AK7: variants seen among roughly 807,000 people sequenced by gnomAD.
AK7 encodes the protein adenylate kinase 7, also known as ATP-AMP transphosphorylase 7.
AK7 carries 78 observed loss-of-function variants against 96.6 expected under a neutral mutation model. The ratio of observed to expected loss-of-function variants is 0.81; its 90% confidence interval spans 0.67 to 0.97. The LOEUF (loss-of-function observed/expected upper bound fraction) is 0.97, where lower values mean the gene tolerates loss of function less well. Ranked by LOEUF, AK7 falls within the 50% of genes least tolerant of loss-of-function variation. The pLI is 0.00. For synonymous variants in AK7, 302 were observed against 317.2 expected, an observed-to-expected ratio of 0.95 and a Z score of 0.51; for missense variants, 855 against 887.9, an observed-to-expected ratio of 0.96 and a Z score of 0.47.
intron 10 of AK7, among the ~76,000 whole-genome samples, chr14:96,453,652 A>G (rs1893732047): frequency 1.3e-5 from 2 of 152,226 alleles, no homozygotes. Flanking sequence ...AAGCAGCCTT[A>G]TAAGACTTGG....
chr14:96,468,073 C>CAAAA (rs35563628), intron 12 of AK7, among the ~76,000 whole-genome samples: 186 of 77,976 alleles, frequency 2.4e-3, no homozygotes, highest in Middle Eastern at 6.6e-3. Flanking sequence ...CCCGTCTCTA[C>CAAAA]AAAAAAAAAA....
chr14:96,430,656 T>C (rs1298997299), intron 5 of AK7, among the ~76,000 whole-genome samples: 4 of 152,222 alleles, frequency 2.6e-5, no homozygotes, highest in Non-Finnish European at 4.4e-5. Flanking sequence ...ATAAGCTTTT[T>C]GATGTGCTGC....
At chr14:96,396,917 T>C (rs938199610) in intron 1 of AK7, among the ~76,000 whole-genome samples, 2 of 152,152 alleles carry the variant, frequency 1.3e-5, no homozygotes, top group African/African-American at 4.8e-5. Flanking sequence ...CAATACCCCA[T>C]TTCTACAAAA....
rs2140186836 is a variant in AK7 at position 96,486,901 on chromosome 14, A to G, written c.1978A>G (p.Lys660Glu). Residue 660 changes from lysine (K) to glutamate (E), a missense_variant, in exon 17 of 18, where the codon AAA (lysine) becomes GAA (glutamate). Physicochemically the swap from Lys to Glu is moderately conservative, Grantham distance 56 (BLOSUM62 1). Transcript: ENST00000267584. Reference protein sequence around the residue: ...EKIARWEEWNKRLEEVKREER... With the variant: ...EKIARWEEWNERLEEVKREER... The stretch of plus-strand genomic sequence containing the variant: ...ACCACCAAATATTCTATTTTAGAAT[A>G]AACGACTGGAGGAAGTGAAAAGAGA... The G allele has an allele frequency of 6.2e-7, 1 of 1,613,522 alleles. No homozygotes were observed. The highest frequency in any genetic ancestry group is 8.5e-7 in the Non-Finnish European group (1 of 1,179,726).
chr14:96,456,268 C>A, intron 10 of AK7, 79 bp from the exon 11 acceptor site: 2 of 1,228,446 alleles, frequency 1.6e-6, no homozygotes, highest in Non-Finnish European at 2.2e-6. Flanking sequence ...AAAAGCACTC[C>A]CCTGAAATAA....
intron 12 of AK7, among the ~76,000 whole-genome samples, chr14:96,468,922 C>T (rs1894734022): frequency 6.6e-6 from 1 of 151,918 alleles, no homozygotes; most frequent in Non-Finnish European, 1.5e-5. Flanking sequence ...AGCGCAGTTG[C>T]CTGCCATACA....
intron 2 of AK7, chr14:96,398,563 CTG>C: frequency 2.7e-6 from 1 of 369,932 alleles, no homozygotes; most frequent in Non-Finnish European, 5.0e-6. Context: ...CAAGACGAGT[CTG>C]TGCCATGATG....
intron 6 of AK7, among the ~76,000 whole-genome samples, chr14:96,441,620 G>A (rs1892961350): frequency 1.6e-5 from 2 of 128,620 alleles, no homozygotes; most frequent in Admixed American, 1.8e-4. Context: ...TCCAGCCTGG[G>A]TGACACAGCA....
In AK7 at chr14:96,404,233, T is replaced by C. The variant is rs1890581433; in HGVS notation, c.295-524T>C. ...TCTATTTAATGTATAAACTTTACAT[T>C]TTTAATCATTAAAAGTTTCTGTATT... On this transcript the variant is annotated intron_variant, in intron 2 of 17. Coordinates refer to ENST00000267584, the MANE Select transcript of AK7 (RefSeq NM_152327.5). Among the ~76,000 whole-genome samples the C allele has an allele frequency of 2.0e-5, 3 of 152,084 alleles. No homozygotes were observed. The South Asian group carries it at 6.2e-4, about 32-fold the overall frequency.
chr14:96,442,839 G>A (rs368705547), intron 7 of AK7, 21 bp downstream of exon 7: 137 of 1,601,114 alleles, frequency 8.6e-5, no homozygotes, highest in Non-Finnish European at 1.1e-4. Flanking sequence ...GCCCAGAGAC[G>A]TGACCTTCAC....
intron 5 of AK7, among the ~76,000 whole-genome samples, chr14:96,433,881 C>T (rs72706825): frequency 3.2e-3 from 493 of 152,176 alleles, no homozygotes; most frequent in Middle Eastern, 6.8e-3. Flanking sequence ...TTTTCAGCTC[C>T]GGAGTTTCTG....
rs759072222 is a variant in AK7 at position 96,404,858 on chromosome 14, A to C, written c.396A>C (p.Ala132=). ...AGCAAATGGAGGAAGCCATCTGGGC[A>C]GTCTCTGGTCAGTGAGGTGTACTCT... ...SSQQMEEAIW[A]VSALSEEVSH... Residue 132 remains alanine, a synonymous_variant, in exon 3 of 18, where the codon GCA becomes GCC. Coordinates refer to ENST00000267584, the MANE Select transcript of AK7 (RefSeq NM_152327.5). The C allele has an allele frequency of 6.2e-7, 1 of 1,607,688 alleles. No homozygotes were observed. Among genetic ancestry groups the C allele is most frequent in the Admixed American group, 1.7e-5 (1 of 59,954 alleles).
intron 10 of AK7, among the ~76,000 whole-genome samples, chr14:96,452,568 C>T (rs1329867592): frequency 6.6e-6 from 1 of 152,178 alleles, no homozygotes; most frequent in Non-Finnish European, 1.5e-5. Flanking sequence ...TCAAGCGATC[C>T]GCCTGCGTTG....
rs531711604 is a variant in AK7 at position 96,448,164 on chromosome 14, A to G, written c.870+1557A>G. 7.5e-4 allele frequency among the ~76,000 whole-genome samples: 114 copies of G among 151,466 alleles called. No homozygotes were observed. In the Middle Eastern group the frequency reaches 0.014, roughly 18 times the overall value. ...AAAAGAAAAGAAATTCAGTTTATCT[A>G]TCTTCCTGTGCACTCTCCCTGCCTC... is the stretch of plus-strand genomic sequence containing the variant. On this transcript the variant is annotated intron_variant, in intron 8 of 17. Transcript: ENST00000267584.
chr14:96,431,531 C>T (rs1411850400), intron 5 of AK7, among the ~76,000 whole-genome samples: 2 of 152,212 alleles, frequency 1.3e-5, no homozygotes, highest in African/African-American at 4.8e-5. Flanking sequence ...AGTAGTCATT[C>T]AGGAGCAGGT....
chr14:96,416,872 G>A (rs1473414439), intron 4 of AK7, among the ~76,000 whole-genome samples: 1 of 152,192 alleles, frequency 6.6e-6, no homozygotes, highest in East Asian at 1.9e-4. Flanking sequence ...AGAACCTGCG[G>A]CCCCCTCTGG....
intron 1 of AK7, 139 bp from the exon 2 acceptor site, chr14:96,397,936 T>C (rs1890169348): frequency 2.6e-6 from 2 of 771,298 alleles, no homozygotes; most frequent in East Asian, 2.5e-5. Flanking sequence ...TTAAATGAGA[T>C]GACAGTGTGC....
chr14:96,437,158 G>A (rs1892684487), intron 5 of AK7, among the ~76,000 whole-genome samples: 2 of 152,144 alleles, frequency 1.3e-5, no homozygotes, highest in Non-Finnish European at 2.9e-5. Context: ...ACAGCAGGGA[G>A]ACTATAGTCA....
intron 6 of AK7, among the ~76,000 whole-genome samples, chr14:96,441,642 CAAAAAAA>C (rs34473287): frequency 2.2e-5 from 2 of 91,506 alleles, no homozygotes; most frequent in African/African-American, 9.3e-5. Context: ...GACTCCGTCT[CAAAAAAA>C]AAAAAAAAAA....
Sources: gnomAD v4.1 joint callset for allele counts (sites outside exome capture counted in the v4.1 genomes callset) on GRCh38, gnomAD v4.1.1 for gene constraint, MANE v1.5 for transcripts, NCBI Gene and HGNC (gene_info 2026-07-23, HGNC 2026-07-21) for gene names.